The following PRKCE variants were observed in gnomAD, a reference collection of about 807,000 sequenced individuals.
PRKCE encodes protein kinase C epsilon type.
PRKCE carries 16 observed loss-of-function variants against 85.4 expected under a neutral mutation model. The ratio of observed to expected loss-of-function variants is 0.19; its 90% confidence interval spans 0.13 to 0.28. The LOEUF (loss-of-function observed/expected upper bound fraction) is 0.28. PRKCE is among the 10% of genes least tolerant of loss of function. PRKCE has a pLI of 1.00. For synonymous variants in PRKCE, 388 were observed against 371.5 expected, an observed-to-expected ratio of 1.04 and a Z score of -0.51; for missense variants, 573 against 975.2, an observed-to-expected ratio of 0.59 and a Z score of 5.49.
chr2:45,924,657 T>C lies in PRKCE; in HGVS notation c.413-51772T>C, dbSNP rs925673598. Among the ~76,000 whole-genome samples the C allele has an allele frequency of 5.9e-5, 9 of 152,186 alleles. 1 individual carries two copies. The South Asian group carries it at 6.2e-4, about 11-fold the overall frequency. Reference sequence around the variant, plus strand: ...AAGGGGGTTACCACACATAAACATATGAAAAAGCACTTGGCAAATAATCTT... The same window carrying C: ...AAGGGGGTTACCACACATAAACATACGAAAAAGCACTTGGCAAATAATCTT... On this transcript the variant is annotated intron_variant, in intron 2 of 14. Transcript: ENST00000306156.
intron 2 of PRKCE, among the ~76,000 whole-genome samples, chr2:45,849,384 T>G (rs1272052739): frequency 1.3e-5 from 2 of 152,164 alleles, no homozygotes; most frequent in Non-Finnish European, 2.9e-5. Context: ...CTTAGCAACC[T>G]CATAGAGTCC....
intron 10 of PRKCE, among the ~76,000 whole-genome samples, chr2:46,038,695 ACACACAC>A (rs1307476004): frequency 2.7e-5 from 4 of 147,000 alleles, no homozygotes; most frequent in Non-Finnish European, 5.9e-5. Context: ...ACACACACAC[ACACACAC>A]ATTTTCCAGA....
Position 45,720,677 on chromosome 2 carries a change from C to T in PRKCE, c.348+68229C>T, listed in dbSNP as rs569917362. ...GATGCATGCATTTTTCAGTCATTCA[C>T]CTAATTATTCATGCAGGTGATAGTT... On this transcript the variant is annotated intron_variant, in intron 1 of 14. Coordinates refer to ENST00000306156, the MANE Select transcript of PRKCE (RefSeq NM_005400.3). 3.3e-5 allele frequency among the ~76,000 whole-genome samples: 5 copies of T among 152,278 alleles called. No individual in the cohort carries two copies. In the South Asian group the frequency reaches 1.0e-3, roughly 32 times the overall value.
chr2:46,071,754 C>T (rs1442731442), intron 10 of PRKCE, among the ~76,000 whole-genome samples: 1 of 152,218 alleles, frequency 6.6e-6, no homozygotes, highest in Non-Finnish European at 1.5e-5. Context: ...AGACCAGCCT[C>T]CTATCTGCAT....
chr2:45,997,469 T>G (rs1704312084), intron 6 of PRKCE, among the ~76,000 whole-genome samples: 1 of 152,120 alleles, frequency 6.6e-6, no homozygotes, highest in African/African-American at 2.4e-5. Flanking sequence ...GCTATAAACT[T>G]CCTTTGAAGC....
rs537482641 is a variant in PRKCE, at chr2:46,032,553, GT to G, written c.1437+22044del. 5.4e-3 allele frequency among the ~76,000 whole-genome samples: 824 copies of G among 152,090 alleles called. 8 individuals carry two copies. The highest frequency in any genetic ancestry group is 0.018 in the African/African-American group (767 of 41,472). On this transcript the variant is annotated intron_variant, in intron 10 of 14. Coordinates refer to ENST00000306156, the MANE Select transcript of PRKCE (RefSeq NM_005400.3). ...TGTACAGTTTGTTAAAGTCTACCGT[GT>G]TTTTTTTCTTGCATCTCAGTCATCT...
intron 12 of PRKCE, among the ~76,000 whole-genome samples, chr2:46,148,704 C>A (rs1408797994): frequency 6.6e-6 from 1 of 152,204 alleles, no homozygotes; most frequent in Non-Finnish European, 1.5e-5. Context: ...ACAGCTCCTA[C>A]CCTCTGGTAC....
chr2:45,952,892 C>T (rs562668597), intron 2 of PRKCE, among the ~76,000 whole-genome samples: 23 of 152,196 alleles, frequency 1.5e-4, no homozygotes, highest in Admixed American at 3.9e-4. Context: ...ATTAACAGCA[C>T]GAAACACAGC....
intron 1 of PRKCE, among the ~76,000 whole-genome samples, chr2:45,717,423 A>G (rs558210050): frequency 2.6e-4 from 40 of 152,342 alleles, no homozygotes; most frequent in African/African-American, 9.6e-4. Flanking sequence ...TTATCTATAC[A>G]TGGGCACATG....
At chr2:45,724,811 G>A (rs576656424) in intron 1 of PRKCE, among the ~76,000 whole-genome samples, 1 of 152,188 alleles carries the variant, frequency 6.6e-6, no homozygotes, top group African/African-American at 2.4e-5. Flanking sequence ...AGGTAAGGAA[G>A]CTGCAGAAGA....
intron 11 of PRKCE, among the ~76,000 whole-genome samples, chr2:46,136,565 T>C (rs188287425): frequency 3.9e-4 from 59 of 152,194 alleles, no homozygotes; most frequent in Non-Finnish European, 6.9e-4. Flanking sequence ...CACCTTAAGT[T>C]CTTTATCTGC....
rs61632508 is a variant in PRKCE at position 45,948,760 on chromosome 2, T to C, written c.413-27669T>C. Among the ~76,000 whole-genome samples, 612 of 152,318 alleles carry C rather than the reference T, an allele frequency of 4.0e-3. 4 individuals are homozygous for C. The highest frequency in any genetic ancestry group is 0.014 in the African/African-American group (575 of 41,558). On this transcript the variant is annotated intron_variant, in intron 2 of 14. Coordinates refer to ENST00000306156, the MANE Select transcript of PRKCE (RefSeq NM_005400.3). ...CCCAGAGATAACCCCTGGGCTGAAGTTGGTGTTTAGCTCATTCATATGTGA... is the reference window on the plus strand; with the variant it reads ...CCCAGAGATAACCCCTGGGCTGAAGCTGGTGTTTAGCTCATTCATATGTGA...
At chr2:46,036,298 G>A (rs1407971374) in intron 10 of PRKCE, among the ~76,000 whole-genome samples, 5 of 152,188 alleles carry the variant, frequency 3.3e-5, no homozygotes, top group Non-Finnish European at 2.9e-5. Flanking sequence ...TAACTAGGCC[G>A]GTGTGTGGTG....
chr2:45,714,565 C>G (rs1679934683), intron 1 of PRKCE, among the ~76,000 whole-genome samples: 1 of 152,230 alleles, frequency 6.6e-6, no homozygotes, highest in Non-Finnish European at 1.5e-5. Context: ...CAGTGAGTGT[C>G]TTTCTGTCTT....
In PRKCE at chr2:45,652,560, T is replaced by C; in HGVS notation, c.348+112T>C. On this transcript the variant is annotated intron_variant, in intron 1 of 14. Coordinates refer to ENST00000306156, the MANE Select transcript of PRKCE (RefSeq NM_005400.3). This position sits in a 1 kb window ranked among gnomAD's most constrained non-coding sequence, Gnocchi z 7.7. ...GACTTATTGACGACTGGGGTGTGTG[T>C]GCCTGTAAGTCTCAGTTTCCTTGGG... The C allele has an allele frequency of 6.8e-6, 7 of 1,029,418 alleles. No individual in the cohort carries two copies. Among genetic ancestry groups the C allele is most frequent in the Non-Finnish European group, 9.6e-6 (7 of 726,764 alleles). The allele number at this position is 1,029,418 out of a possible 1,614,324, so 63.8% of individuals were successfully genotyped here. A position where few individuals can be genotyped will look rare whatever the true frequency, so the allele number is the denominator to read the frequency against.
intron 1 of PRKCE, among the ~76,000 whole-genome samples, chr2:45,682,436 A>AT (rs111859989): frequency 4.6e-5 from 7 of 151,458 alleles, no homozygotes; most frequent in South Asian, 2.1e-4. Flanking sequence ...TTATTTATTT[A>AT]TTTTTTTTGA....
At position 45,735,695 on chromosome 2, in the gene PRKCE, A is replaced by C. The variant is rs537842471; in HGVS notation, c.348+83247A>C. Among the ~76,000 whole-genome samples the C allele has an allele frequency of 3.9e-5, 6 of 152,322 alleles. No homozygotes were observed. In the South Asian group the frequency reaches 1.2e-3, roughly 32 times the overall value. On this transcript the variant is annotated intron_variant, in intron 1 of 14. Transcript: ENST00000306156. ...GTGTTGGAGGAACCAAAGAGAAAATAACTCTTAGAACATGAACATTTTGTG... is the reference window on the plus strand; with the variant it reads ...GTGTTGGAGGAACCAAAGAGAAAATCACTCTTAGAACATGAACATTTTGTG...
chr2:45,753,314 C>T (rs943654066), intron 1 of PRKCE, among the ~76,000 whole-genome samples: 2 of 152,190 alleles, frequency 1.3e-5, no homozygotes, highest in Non-Finnish European at 2.9e-5. Flanking sequence ...CCAGGTGATG[C>T]TGCACCTGCT....
chr2:45,955,472 CTT>C (rs141169479), intron 2 of PRKCE, among the ~76,000 whole-genome samples: 2,089 of 152,260 alleles, frequency 0.014, 54 homozygotes, highest in African/African-American at 0.047. Context: ...TCTCTGAACT[CTT>C]ATGTTTATAG....
Sources: gnomAD v4.1 joint callset for allele counts (sites outside exome capture counted in the v4.1 genomes callset) on GRCh38, gnomAD v4.1.1 for gene constraint, Gnocchi (gnomAD v3.1) non-coding constraint, MANE v1.5 for transcripts, NCBI Gene and HGNC (gene_info 2026-07-23, HGNC 2026-07-21) for gene names.